The following MAPKAP1 variants were observed in gnomAD, a reference collection of about 807,000 sequenced individuals.
MAPKAP1 encodes target of rapamycin complex 2 subunit MAPKAP1.
A neutral mutation model predicts 65.7 loss-of-function variants in MAPKAP1; 20 were observed. The ratio of observed to expected loss-of-function variants is 0.30; its 90% CI spans 0.21 to 0.44. MAPKAP1 has a LOEUF of 0.44. Ranked by LOEUF, MAPKAP1 falls within the 20% of genes least tolerant of loss-of-function variation. The pLI is 1.00. For missense variants in MAPKAP1, 423 were observed against 648.0 expected, an observed-to-expected ratio of 0.65 and a Z score of 3.77; for synonymous variants, 222 against 244.3, an observed-to-expected ratio of 0.91 and a Z score of 0.85.
At chr9:125,567,100 A>G (rs1831081192) in intron 5 of MAPKAP1, among the ~76,000 whole-genome samples, 1 of 152,176 alleles carries the variant, frequency 6.6e-6, no homozygotes, top group South Asian at 2.1e-4. Context: ...GTTCAGCCCA[A>G]GTCCTTGTGA....
chr9:125,647,786 G>A (rs1833771835), intron 4 of MAPKAP1, among the ~76,000 whole-genome samples: 1 of 152,192 alleles, frequency 6.6e-6, no homozygotes, highest in East Asian at 1.9e-4. Context: ...TACAGTGTGG[G>A]TGCCTAGTAA....
rs542733165 is a variant in MAPKAP1 at position 125,616,629 on chromosome 9, A to C, written c.499-30902T>G. On this transcript the variant is annotated intron_variant, in intron 4 of 11. Coordinates refer to ENST00000265960, the MANE Select transcript of MAPKAP1 (RefSeq NM_001006617.3). ...ATTTCAATTATATTCTGAGAAATGC[A>C]AATGAAAATCATAATGAGATACAAT... Among the ~76,000 whole-genome samples the C allele has an allele frequency of 3.9e-5, 6 of 152,156 alleles. No homozygotes were observed. The East Asian group carries it at 1.2e-3, about 29-fold the overall frequency.
chr9:125,488,434 T>G (rs1358271783), intron 8 of MAPKAP1, among the ~76,000 whole-genome samples: 1 of 152,180 alleles, frequency 6.6e-6, no homozygotes, highest in Non-Finnish European at 1.5e-5. Context: ...GGGGAGATCT[T>G]GGCTCACTGC....
At chr9:125,634,150 A>AG (rs1294257263) in intron 4 of MAPKAP1, among the ~76,000 whole-genome samples, 6 of 152,150 alleles carry the variant, frequency 3.9e-5, no homozygotes, top group Admixed American at 2.6e-4. Flanking sequence ...CTTGCTTTTC[A>AG]GGGGGGCTCC....
At chr9:125,704,184 G>A (rs1193063390) in intron 1 of MAPKAP1, among the ~76,000 whole-genome samples, 2 of 152,134 alleles carry the variant, frequency 1.3e-5, no homozygotes, top group African/African-American at 4.8e-5. Context: ...AATGAAGAGT[G>A]CCGATCTCAG....
At chr9:125,575,477 C>T (rs909931595) in intron 5 of MAPKAP1, among the ~76,000 whole-genome samples, 42 of 152,298 alleles carry the variant, frequency 2.8e-4, no homozygotes, top group African/African-American at 9.4e-4. Flanking sequence ...CCAGAGTTAT[C>T]TCCAATGCAT....
At chr9:125,459,641 C>A (rs983179836) in intron 10 of MAPKAP1, among the ~76,000 whole-genome samples, 5 of 152,222 alleles carry the variant, frequency 3.3e-5, no homozygotes, top group Non-Finnish European at 7.3e-5. Flanking sequence ...AGCGAAACCC[C>A]GTCTCCACGA....
At chr9:125,509,263 GA>G (rs1394126140) in intron 7 of MAPKAP1, among the ~76,000 whole-genome samples, 1 of 111,108 alleles carries the variant, frequency 9.0e-6, no homozygotes, top group Non-Finnish European at 1.8e-5. Flanking sequence ...CATTATGTAT[GA>G]ATTTTAAAAA....
At chr9:125,449,198 A>C (rs1287009052) in intron 10 of MAPKAP1, among the ~76,000 whole-genome samples, 1 of 152,190 alleles carries the variant, frequency 6.6e-6, no homozygotes, top group Non-Finnish European at 1.5e-5. Flanking sequence ...AATTAGGATG[A>C]AATCCTAGCT....
intron 3 of MAPKAP1, among the ~76,000 whole-genome samples, chr9:125,664,317 A>T (rs1172994487): frequency 6.6e-6 from 1 of 151,892 alleles, no homozygotes. Flanking sequence ...ACTGCACTCC[A>T]GCCTGGGCAA....
rs1375804630 is a variant in MAPKAP1 at position 125,447,022 on chromosome 9, C to G, written c.1346-2424G>C. ...GCTTGTGAAGCATGTCAATTGTGGG[C>G]TGACAGAGGGGAGGCCTGTGGTTCA... On this transcript the variant is annotated intron_variant, in intron 10 of 11. Transcript: ENST00000265960. This position sits in a 1 kb window ranked among gnomAD's most constrained non-coding sequence, Gnocchi z 4.5. Among the ~76,000 whole-genome samples, 3 of 152,026 alleles carry G rather than the reference C, an allele frequency of 2.0e-5. No individual in the cohort carries two copies. The highest frequency in any genetic ancestry group is 4.4e-5 in the Non-Finnish European group (3 of 67,988).
At chr9:125,464,202 A>ATT (rs199979407) in intron 10 of MAPKAP1, among the ~76,000 whole-genome samples, 34 of 81,124 alleles carry the variant, frequency 4.2e-4, no homozygotes, top group African/African-American at 1.8e-3. Flanking sequence ...TGTCTCATAT[A>ATT]TTAAAAAAAA....
intron 7 of MAPKAP1, among the ~76,000 whole-genome samples, chr9:125,531,251 C>A (rs982976595): frequency 1.3e-5 from 2 of 152,228 alleles, no homozygotes; most frequent in African/African-American, 4.8e-5. Flanking sequence ...AGCAGTACAA[C>A]CTTTGGCCAT....
At chr9:125,521,183 C>T (rs139517068) in intron 7 of MAPKAP1, among the ~76,000 whole-genome samples, 80 of 152,304 alleles carry the variant, frequency 5.3e-4, no homozygotes, top group African/African-American at 1.7e-3. Context: ...AAGGCGCAGA[C>T]CCTTCACTAC....
intron 1 of MAPKAP1, among the ~76,000 whole-genome samples, chr9:125,674,801 T>C (rs1834596969): frequency 6.6e-6 from 1 of 152,172 alleles, no homozygotes; most frequent in Non-Finnish European, 1.5e-5. Context: ...CTGAGGCTAA[T>C]GGGAAATGCA....
In MAPKAP1 at chr9:125,595,677, C is replaced by A; in HGVS notation, c.499-9950G>T. ...CTCTCTTCTCCCTGCCGTCCTAAGT[C>A]AGAGTCTCCTAAAGAGCCGGAACAG... On this transcript the variant is annotated intron_variant, in intron 4 of 11. Transcript: ENST00000265960. The surrounding 1 kb of genome is among the most constrained non-coding windows in gnomAD (Gnocchi z 4.0). 2 of 1,533,190 alleles carry A rather than the reference C, an allele frequency of 1.3e-6. No individual in the cohort carries two copies. Among genetic ancestry groups the A allele is most frequent in the South Asian group, 2.4e-5 (2 of 82,334 alleles). The allele number at this position is 1,533,190 out of a possible 1,614,324, so 95.0% of individuals were successfully genotyped here.
chr9:125,528,229 C>T lies in MAPKAP1; in HGVS notation c.958+14830G>A, dbSNP rs77619798. On this transcript the variant is annotated intron_variant, in intron 7 of 11. Coordinates refer to ENST00000265960, the MANE Select transcript of MAPKAP1 (RefSeq NM_001006617.3). ...ACTTACTGGGGACAGGGCCACAGTGCCTCTGCCACAAGCCTAAGTGGCTGA... is the reference window on the plus strand; with the variant it reads ...ACTTACTGGGGACAGGGCCACAGTGTCTCTGCCACAAGCCTAAGTGGCTGA... Among the ~76,000 whole-genome samples, 771 of 152,302 alleles carry T rather than the reference C, an allele frequency of 5.1e-3. 5 individuals are homozygous for T. The highest frequency in any genetic ancestry group is 0.017 in the African/African-American group (727 of 41,560).
At chr9:125,654,367 G>C (rs1833973943) in intron 4 of MAPKAP1, among the ~76,000 whole-genome samples, 1 of 151,928 alleles carries the variant, frequency 6.6e-6, no homozygotes, top group South Asian at 2.1e-4. Context: ...TGGTTTTGCG[G>C]ATCTGACCAA....
chr9:125,441,970 T>C lies in MAPKAP1; in HGVS notation c.1443+2531A>G, dbSNP rs536009793. Among the ~76,000 whole-genome samples the C allele has an allele frequency of 1.3e-3, 191 of 151,294 alleles. 2 individuals are homozygous for C. Among genetic ancestry groups the C allele is most frequent in the African/African-American group, 4.4e-3 (181 of 41,222 alleles). On this transcript the variant is annotated intron_variant, in intron 11 of 11. Coordinates refer to ENST00000265960, the MANE Select transcript of MAPKAP1 (RefSeq NM_001006617.3). ...GTGAAACCCCGTTCTCTACTAAAAATAGAAAAAAATTAGCTGGGCTTGGTG... is the reference window on the plus strand; with the variant it reads ...GTGAAACCCCGTTCTCTACTAAAAACAGAAAAAAATTAGCTGGGCTTGGTG...
Sources: allele counts gnomAD v4.1 joint callset (sites outside exome capture counted in the v4.1 genomes callset), GRCh38; gene constraint gnomAD v4.1.1; non-coding constraint Gnocchi (gnomAD v3.1); transcripts MANE v1.5; gene names NCBI Gene and HGNC (gene_info 2026-07-23, HGNC 2026-07-21).